The following HS1BP3 variants were observed in gnomAD, a reference collection of about 807,000 sequenced individuals.
The protein encoded by HS1BP3 is HCLS1-binding protein 3.
HS1BP3 carries 32 observed loss-of-function variants against 33.5 expected under a neutral mutation model. That is an observed-to-expected ratio of 0.95 (90% CI 0.72 to 1.28). The LOEUF is 1.28. Ranked by LOEUF, HS1BP3 falls within the 50% of genes most tolerant of loss-of-function variation. The probability of loss-of-function intolerance (pLI) is 0.00; values close to 1 mark genes in which losing one functional copy is unlikely to be tolerated. For synonymous variants in HS1BP3, 187 were observed against 209.2 expected (o/e 0.89, Z 0.92); for missense variants, 486 against 502.3 (o/e 0.97, Z 0.31).
chr2:20,603,745 A>G (rs1694116549), intron 2 of HS1BP3, among the ~76,000 whole-genome samples: 1 of 152,264 alleles, frequency 6.6e-6, no homozygotes, highest in South Asian at 2.1e-4. Flanking sequence ...CATGAATTAT[A>G]TCTCAATGAA....
chr2:20,625,390 C>A (rs1694748548), intron 4 of HS1BP3, among the ~76,000 whole-genome samples: 1 of 152,220 alleles, frequency 6.6e-6, no homozygotes, highest in Non-Finnish European at 1.5e-5. Flanking sequence ...AAGGTAGAGA[C>A]AGCTGCCTGG....
At chr2:20,570,161 AT>A (rs1693231236) in intron 5 of HS1BP3, among the ~76,000 whole-genome samples, 1 of 133,066 alleles carries the variant, frequency 7.5e-6, no homozygotes, top group Non-Finnish European at 1.6e-5. Flanking sequence ...CCCTCTTCTC[AT>A]GGAAACGTTT....
At chr2:20,647,030 A>C (rs186491969) in intron 1 of HS1BP3, among the ~76,000 whole-genome samples, 3 of 152,214 alleles carry the variant, frequency 2.0e-5, no homozygotes, top group African/African-American at 7.2e-5. Flanking sequence ...GAAGCCAGGC[A>C]TCATTTCTTT....
chr2:20,592,057 T>C (rs998731244), downstream of HS1BP3, among the ~76,000 whole-genome samples: 6 of 152,162 alleles, frequency 3.9e-5, no homozygotes, highest in Admixed American at 2.0e-4. Flanking sequence ...GTTCCTATCC[T>C]GTGCTTCTAG....
At chr2:20,636,945 A>AGC (rs1695150621) in intron 4 of HS1BP3, 1 of 152,122 alleles carries the variant, frequency 6.6e-6, no homozygotes, top group Admixed American at 6.5e-5. Flanking sequence ...GAGGGTCTTA[A>AGC]GCCGGCAGGA....
chr2:20,573,929 T>C (rs1352227460), intron 5 of HS1BP3, among the ~76,000 whole-genome samples: 1 of 152,158 alleles, frequency 6.6e-6, no homozygotes, highest in Non-Finnish European at 1.5e-5. Context: ...ACTGCAGCAG[T>C]GTTTTCAGGG....
rs200549004 is a variant in HS1BP3 at position 20,632,187 on chromosome 2, T to C, written c.623+6249A>G. Among the ~76,000 whole-genome samples, 6 of 152,322 alleles carry C rather than the reference T, an allele frequency of 3.9e-5. No individual in the cohort carries two copies. In the East Asian group the frequency reaches 1.2e-3, roughly 29 times the overall value. On this transcript the variant is annotated intron_variant, in intron 4 of 6. Coordinates refer to ENST00000304031, the MANE Select transcript of HS1BP3 (RefSeq NM_022460.4). Reference sequence around the variant, plus strand: ...GCCTTCCCTTTCATCTGCTTCAAAGTGTCCCACTCCCCTGCCTCTCTTTGC... The same window carrying C: ...GCCTTCCCTTTCATCTGCTTCAAAGCGTCCCACTCCCCTGCCTCTCTTTGC...
intron 1 of HS1BP3, among the ~76,000 whole-genome samples, chr2:20,645,902 G>A (rs1478330079): frequency 2.0e-5 from 3 of 152,332 alleles, no homozygotes; most frequent in Non-Finnish European, 4.4e-5. Context: ...ATCCCAGCTG[G>A]AGACAGGCAC....
At chr2:20,624,094 C>T (rs914655105) in intron 5 of HS1BP3, 63 bp from the exon 6 acceptor site, 2 of 1,567,986 alleles carry the variant, frequency 1.3e-6, no homozygotes, top group Non-Finnish European at 1.7e-6. Context: ...CATGGCTGCT[C>T]TCTCTCTGCC....
chr2:20,638,739 G>C, intron 3 of HS1BP3, 87 bp from the exon 4 acceptor site: 1 of 1,069,342 alleles, frequency 9.4e-7, no homozygotes, highest in African/African-American at 1.6e-5. Flanking sequence ...TCCCATGCCA[G>C]GATCTGAGGC....
chr2:20,573,966 T>C (rs1432044676), intron 5 of HS1BP3, among the ~76,000 whole-genome samples: 1 of 152,188 alleles, frequency 6.6e-6, no homozygotes, highest in African/African-American at 2.4e-5. Flanking sequence ...GGAAGACCAA[T>C]GTCAGAAACA....
At chr2:20,580,102 G>A (rs1368008360) in intron 5 of HS1BP3, among the ~76,000 whole-genome samples, 4 of 152,244 alleles carry the variant, frequency 2.6e-5, no homozygotes, top group Non-Finnish European at 5.9e-5. Context: ...AGCCCCAAGG[G>A]GGCAAGGACT....
Position 20,594,655 on chromosome 2 carries a change from G to A in HS1BP3, c.*13-1861C>T, listed in dbSNP as rs74968501. On this transcript the variant is annotated intron_variant, in intron 3 of 3. Coordinates refer to the HS1BP3 transcript ENST00000415264. ...GTGCCCTCTGAGACTCGCTGGAAGTGAGGTCCCCTATCTCAATCCATTCAG... is the reference window on the plus strand; with the variant it reads ...GTGCCCTCTGAGACTCGCTGGAAGTAAGGTCCCCTATCTCAATCCATTCAG... 7.3e-3 allele frequency among the ~76,000 whole-genome samples: 1,119 copies of A among 152,326 alleles called. 22 individuals carry two copies. The highest frequency in any genetic ancestry group is 0.059 in the East Asian group (304 of 5,168).
At chr2:20,570,537 C>T (rs1261685793) in intron 5 of HS1BP3, among the ~76,000 whole-genome samples, 3 of 152,174 alleles carry the variant, frequency 2.0e-5, no homozygotes, top group Non-Finnish European at 4.4e-5. Flanking sequence ...CAAAAGAGAG[C>T]CTCCATTGCA....
intron 2 of HS1BP3, chr2:20,606,624 C>T (rs1694184519): frequency 2.1e-6 from 1 of 476,464 alleles, no homozygotes; most frequent in South Asian, 1.6e-5. Context: ...TTTCCAGCGT[C>T]TTTCTTCTTC....
At chr2:20,610,000 G>A (rs551605107) in intron 2 of HS1BP3, among the ~76,000 whole-genome samples, 13 of 152,284 alleles carry the variant, frequency 8.5e-5, no homozygotes, top group Admixed American at 5.9e-4. Flanking sequence ...GGGGCAGCAG[G>A]CATCTTCTAC....
At chr2:20,636,908 G>A (rs922675976) in intron 4 of HS1BP3, 2 of 152,268 alleles carry the variant, frequency 1.3e-5, no homozygotes, top group South Asian at 4.1e-4. Flanking sequence ...TTGTCACACG[G>A]GTCCTTAAAA....
downstream of HS1BP3, among the ~76,000 whole-genome samples, chr2:20,613,013 G>A (rs1354051812): frequency 6.6e-6 from 1 of 152,134 alleles, no homozygotes; most frequent in Non-Finnish European, 1.5e-5. Context: ...TAGGGTCCTG[G>A]AACCAACCTA....
chr2:20,606,693 G>A (rs16987893), intron 2 of HS1BP3: 26 of 282,248 alleles, frequency 9.2e-5, no homozygotes, highest in African/African-American at 5.5e-4. Flanking sequence ...CTACAGCCTC[G>A]CTAAGATGTC....
Sources: allele counts gnomAD v4.1 joint callset (sites outside exome capture counted in the v4.1 genomes callset), GRCh38; gene constraint gnomAD v4.1.1; transcripts MANE v1.5; gene names NCBI Gene and HGNC (gene_info 2026-07-23, HGNC 2026-07-21).